The following DPF3 variants were observed in gnomAD, a reference collection of about 807,000 sequenced individuals.
DPF3 encodes zinc finger protein DPF3.
A neutral mutation model predicts 56.8 loss-of-function variants in DPF3; 18 were observed. The ratio of observed to expected loss-of-function variants is 0.32; its 90% confidence interval spans 0.22 to 0.47. The LOEUF is 0.47. Among genes scored for constraint, DPF3 ranks in the 20% least tolerant of loss-of-function variants. The pLI, the probability that DPF3 is intolerant of heterozygous loss-of-function variation, is 1.00. For synonymous variants in DPF3, 188 were observed against 180.2 expected, an observed-to-expected ratio of 1.04 and a Z score of -0.35; for missense variants, 403 against 488.8, an observed-to-expected ratio of 0.82 and a Z score of 1.65.
chr14:72,818,403 G>A (rs910419272), intron 1 of DPF3, among the ~76,000 whole-genome samples: 3 of 152,024 alleles, frequency 2.0e-5, no homozygotes, highest in Non-Finnish European at 1.5e-5. Context: ...TGTTATGCTG[G>A]GTGTGGTGGC....
chr14:72,835,982 C>G, intron 1 of DPF3: 1 of 919,108 alleles, frequency 1.1e-6, no homozygotes, highest in Non-Finnish European at 1.3e-6. Flanking sequence ...ATACACCCGC[C>G]GGAGACCACA....
chr14:72,639,904 GT>G, intron 8 of DPF3, among the ~76,000 whole-genome samples: 1 of 152,004 alleles, frequency 6.6e-6, no homozygotes. Flanking sequence ...ATAATACAAT[GT>G]GATAAGTGCC....
Position 72,804,496 on chromosome 14 carries a change from C to T in DPF3, c.33-32603G>A, listed in dbSNP as rs542509699. On this transcript the variant is annotated intron_variant, in intron 1 of 10. Coordinates refer to ENST00000556509, the MANE Select transcript of DPF3 (RefSeq NM_001280542.3). The stretch of plus-strand genomic sequence containing the variant: ...AGACTGAAAGCTGCCTAAGCCAGTG[C>T]CCTTTCACATTCATATGAGGGTGGG... Among the ~76,000 whole-genome samples the T allele has an allele frequency of 5.3e-5, 8 of 152,284 alleles. No individual in the cohort carries two copies. The South Asian group carries it at 1.7e-3, about 32-fold the overall frequency.
At chr14:72,748,222 G>A (rs535926185) in intron 3 of DPF3, among the ~76,000 whole-genome samples, 77 of 152,316 alleles carry the variant, frequency 5.1e-4, no homozygotes, top group African/African-American at 1.8e-3. Context: ...AGATGGAGAT[G>A]AAAAATTTGT....
chr14:72,853,850 G>A (rs1009177792), intron 1 of DPF3, among the ~76,000 whole-genome samples: 5 of 152,240 alleles, frequency 3.3e-5, no homozygotes, highest in Non-Finnish European at 4.4e-5. Context: ...AATGTACCAC[G>A]TCAAGAAAGG....
intron 5 of DPF3, among the ~76,000 whole-genome samples, chr14:72,721,217 T>C (rs1413262406): frequency 6.6e-6 from 1 of 152,232 alleles, no homozygotes; most frequent in Admixed American, 6.5e-5. Context: ...TCACATTGCC[T>C]GGTTTACAGG....
intron 8 of DPF3, among the ~76,000 whole-genome samples, chr14:72,648,454 G>A (rs1168139322): frequency 6.6e-6 from 1 of 151,734 alleles, no homozygotes; most frequent in Non-Finnish European, 1.5e-5. Context: ...CCAGCTACTC[G>A]GGAGGCTGAG....
chr14:72,718,025 A>G (rs1416867335), intron 5 of DPF3, among the ~76,000 whole-genome samples: 1 of 152,210 alleles, frequency 6.6e-6, no homozygotes, highest in Non-Finnish European at 1.5e-5. Flanking sequence ...GGGGTTTGGA[A>G]TTAGAAAACA....
intron 1 of DPF3, among the ~76,000 whole-genome samples, chr14:72,802,446 G>A (rs1298285211): frequency 6.6e-6 from 1 of 152,124 alleles, no homozygotes; most frequent in African/African-American, 2.4e-5. Flanking sequence ...TAATCTCCAA[G>A]GGCCTGCCAG....
intron 8 of DPF3, among the ~76,000 whole-genome samples, chr14:72,635,776 T>C (rs2153567456): frequency 6.6e-6 from 1 of 152,342 alleles, no homozygotes; most frequent in East Asian, 1.9e-4. Context: ...TACATTATGA[T>C]CCTTATTAAA....
rs1884250556 is a variant in DPF3 at position 72,835,404 on chromosome 14, C to G, written c.32+58653G>C. Among the ~76,000 whole-genome samples, 4 of 152,328 alleles carry G rather than the reference C, an allele frequency of 2.6e-5. No homozygotes were observed. The South Asian group carries it at 8.3e-4, about 32-fold the overall frequency. On this transcript the variant is annotated intron_variant, in intron 1 of 10. Transcript: ENST00000556509. ...TAGGGTGATGAAAATGTTCCGGCAT[C>G]AGATGTGGATGATGGCGGATGTACT... is the stretch of plus-strand genomic sequence containing the variant.
chr14:72,884,971 T>TGTATATATATA (rs10523148), intron 1 of DPF3, among the ~76,000 whole-genome samples: 2 of 111,684 alleles, frequency 1.8e-5, no homozygotes, highest in Non-Finnish European at 3.7e-5. Flanking sequence ...TATATATATA[T>TGTATATATATA]TAGCCGGGCG....
At chr14:72,657,065 G>C (rs1333047858) in intron 8 of DPF3, among the ~76,000 whole-genome samples, 1 of 152,216 alleles carries the variant, frequency 6.6e-6, no homozygotes, top group Non-Finnish European at 1.5e-5. Context: ...AAGAAGTTGG[G>C]AAAGTGTGAT....
At chr14:72,670,527 C>T (rs1886623862) in intron 8 of DPF3, 21 of 959,590 alleles carry the variant, frequency 2.2e-5, no homozygotes, top group Non-Finnish European at 2.5e-5. Flanking sequence ...CGGGGAGCCG[C>T]AAACTCCGTG....
intron 5 of DPF3, among the ~76,000 whole-genome samples, chr14:72,721,871 T>C (rs1325895482): frequency 6.6e-6 from 1 of 151,986 alleles, no homozygotes; most frequent in African/African-American, 2.4e-5. Context: ...TTCTAGAATG[T>C]GAGAAGTTCC....
chr14:72,724,786 G>A (rs1028872087), intron 4 of DPF3, among the ~76,000 whole-genome samples: 44 of 150,624 alleles, frequency 2.9e-4, no homozygotes, highest in Non-Finnish European at 4.9e-4. Context: ...ACGGCTCAAT[G>A]CAGCCTCAAC....
intron 1 of DPF3, among the ~76,000 whole-genome samples, chr14:72,782,347 C>T (rs1408552585): frequency 6.6e-6 from 1 of 151,994 alleles, no homozygotes; most frequent in Non-Finnish European, 1.5e-5. Context: ...CCTCAGCCTC[C>T]AGAGTAGCTG....
Position 72,802,457 on chromosome 14 carries a change from G to T in DPF3, c.33-30564C>A, listed in dbSNP as rs574581908. Among the ~76,000 whole-genome samples, 3 of 152,250 alleles carry T rather than the reference G, an allele frequency of 2.0e-5. No individual in the cohort carries two copies. The South Asian group carries it at 6.2e-4, about 32-fold the overall frequency. ...TGGCTAATCTCCAAGGGCCTGCCAG[G>T]TCCCACATGCATGCTCTTGAGAGTC... On this transcript the variant is annotated intron_variant, in intron 1 of 10. Transcript: ENST00000556509.
At chr14:72,711,235 A>G (rs1296542990) in intron 6 of DPF3, among the ~76,000 whole-genome samples, 1 of 152,230 alleles carries the variant, frequency 6.6e-6, no homozygotes. Flanking sequence ...ACCATAGATG[A>G]TACAAAAATG....
Sources: allele counts gnomAD v4.1 joint callset (sites outside exome capture counted in the v4.1 genomes callset), GRCh38; gene constraint gnomAD v4.1.1; transcripts MANE v1.5; gene names NCBI Gene and HGNC (gene_info 2026-07-23, HGNC 2026-07-21).